NSMCE2: variants seen among roughly 807,000 people sequenced by gnomAD.
The protein encoded by NSMCE2 is E3 SUMO-protein ligase NSE2.
In NSMCE2, 24 loss-of-function variants were observed where a neutral mutation model predicts 23.8. The ratio of observed to expected loss-of-function variants is 1.01; its 90% CI spans 0.73 to 1.42. The LOEUF is 1.42. NSMCE2 is among the 40% of genes most tolerant of loss of function. The pLI, the probability that NSMCE2 is intolerant of heterozygous loss-of-function variation, is 0.00. For missense variants in NSMCE2, 284 were observed against 296.5 expected (o/e 0.96, Z 0.31); for synonymous variants, 92 against 94.1 (o/e 0.98, Z 0.13).
At chr8:125,204,038 A>G (rs79120248) in intron 5 of NSMCE2, among the ~76,000 whole-genome samples, 6,012 of 152,240 alleles carry the variant, frequency 0.039, 389 homozygotes, top group African/African-American at 0.14. Flanking sequence ...TTAATCTGTT[A>G]TATCCCTAGT....
intron 5 of NSMCE2, among the ~76,000 whole-genome samples, chr8:125,196,448 G>A (rs1823625364): frequency 6.6e-6 from 1 of 152,106 alleles, no homozygotes; most frequent in Non-Finnish European, 1.5e-5. Flanking sequence ...GTGAGAACAT[G>A]TGGATTTGGT....
At chr8:125,142,777 T>A (rs768641191) in intron 3 of NSMCE2, among the ~76,000 whole-genome samples, 2 of 143,928 alleles carry the variant, frequency 1.4e-5, no homozygotes, top group African/African-American at 5.5e-5. Flanking sequence ...GCTAATTTTG[T>A]ATTTTTAGTA....
chr8:125,149,535 A>G (rs190588279), intron 3 of NSMCE2, among the ~76,000 whole-genome samples: 55 of 152,236 alleles, frequency 3.6e-4, no homozygotes, highest in African/African-American at 1.1e-3. Flanking sequence ...CTTAAATTCA[A>G]AGTTTTTAGT....
At chr8:125,286,808 T>C (rs1470277918) in intron 5 of NSMCE2, among the ~76,000 whole-genome samples, 1 of 141,238 alleles carries the variant, frequency 7.1e-6, no homozygotes, top group African/African-American at 2.6e-5. Flanking sequence ...CCAAAGCCAA[T>C]AGTTAATTTC....
At chr8:125,245,569 C>T (rs1586664418) in intron 5 of NSMCE2, among the ~76,000 whole-genome samples, 1 of 151,522 alleles carries the variant, frequency 6.6e-6, no homozygotes. Context: ...ATAGCATAAA[C>T]ATAAGTGAGT....
intron 3 of NSMCE2, among the ~76,000 whole-genome samples, chr8:125,148,155 A>G (rs1052104238): frequency 3.3e-5 from 5 of 152,148 alleles, no homozygotes; most frequent in Admixed American, 1.3e-4. Flanking sequence ...GTTCTTCAGC[A>G]GCTTGTCCCA....
chr8:125,275,703 G>A (rs777728405), intron 5 of NSMCE2, among the ~76,000 whole-genome samples: 2 of 152,160 alleles, frequency 1.3e-5, no homozygotes, highest in Admixed American at 1.3e-4. Flanking sequence ...GTCACCTAAT[G>A]TGTTTTCGAT....
chr8:125,350,789 G>A (rs1812999422), intron 5 of NSMCE2, among the ~76,000 whole-genome samples: 1 of 152,136 alleles, frequency 6.6e-6, no homozygotes, highest in African/African-American at 2.4e-5. Context: ...CAATATGTGG[G>A]AATTCAAGAT....
intron 5 of NSMCE2, among the ~76,000 whole-genome samples, chr8:125,225,717 C>A (rs1278203957): frequency 1.3e-5 from 2 of 152,172 alleles, no homozygotes; most frequent in African/African-American, 2.4e-5. Flanking sequence ...TTTCTCTTAA[C>A]ATGAGAGCAA....
At chr8:125,334,987 C>A (rs746603896) in intron 5 of NSMCE2, among the ~76,000 whole-genome samples, 4 of 151,882 alleles carry the variant, frequency 2.6e-5, no homozygotes, top group Non-Finnish European at 5.9e-5. Flanking sequence ...AACTCCTGGC[C>A]TCAAGCAGTC....
chr8:125,095,863 C>T (rs1239521237), intron 1 of NSMCE2, among the ~76,000 whole-genome samples: 2 of 76,422 alleles, frequency 2.6e-5, no homozygotes, highest in Non-Finnish European at 4.9e-5. Flanking sequence ...GCCTGAGGGA[C>T]AAGAGCAAAA....
At chr8:125,264,282 T>A (rs1220292920) in intron 5 of NSMCE2, among the ~76,000 whole-genome samples, 1 of 152,256 alleles carries the variant, frequency 6.6e-6, no homozygotes, top group Non-Finnish European at 1.5e-5. Flanking sequence ...TTCATTCATA[T>A]TCCTTTAAAA....
rs377506934 is a variant in NSMCE2, at chr8:125,335,433, G to A, written c.419-21786G>A. ...TAGGTAACTTGCTCAAAAACACAGA[G>A]GGACTGAGGCAGGCAGTATTTAAGC... is the stretch of plus-strand genomic sequence containing the variant. On this transcript the variant is annotated intron_variant, in intron 5 of 7. Transcript: ENST00000287437. Among the ~76,000 whole-genome samples, 669 of 152,290 alleles carry A rather than the reference G, an allele frequency of 4.4e-3. 7 individuals are homozygous for A. Among genetic ancestry groups the A allele is most frequent in the African/African-American group, 0.016 (645 of 41,536 alleles).
intron 5 of NSMCE2, among the ~76,000 whole-genome samples, chr8:125,195,804 G>T (rs1234485152): frequency 6.7e-6 from 1 of 149,698 alleles, no homozygotes; most frequent in African/African-American, 2.5e-5. Flanking sequence ...TTATGCTCAA[G>T]TACTGTCTTT....
At chr8:125,196,378 G>C (rs1007234001) in intron 5 of NSMCE2, among the ~76,000 whole-genome samples, 1 of 151,788 alleles carries the variant, frequency 6.6e-6, no homozygotes. Flanking sequence ...GACAAGCCGT[G>C]GTGTGTGATG....
intron 5 of NSMCE2, among the ~76,000 whole-genome samples, chr8:125,189,041 T>C (rs1823232164): frequency 6.6e-6 from 1 of 152,258 alleles, no homozygotes; most frequent in Non-Finnish European, 1.5e-5. Flanking sequence ...GGGCAAAGTA[T>C]GGACCAACTT....
chr8:125,282,230 C>T (rs1305850062), intron 5 of NSMCE2, among the ~76,000 whole-genome samples: 3 of 152,020 alleles, frequency 2.0e-5, no homozygotes, highest in Non-Finnish European at 4.4e-5. Context: ...TCTCCTGCCT[C>T]AACCTCCCAA....
chr8:125,232,982 A>T (rs576051654), intron 5 of NSMCE2, among the ~76,000 whole-genome samples: 1 of 152,372 alleles, frequency 6.6e-6, no homozygotes, highest in African/African-American at 2.4e-5. Flanking sequence ...GAATGGTCAC[A>T]TTCCAGGGTT....
chr8:125,336,014 A>T (rs907523132), intron 5 of NSMCE2, among the ~76,000 whole-genome samples: 2 of 152,204 alleles, frequency 1.3e-5, no homozygotes, highest in Non-Finnish European at 2.9e-5. Flanking sequence ...ATCACAAGCT[A>T]GGAGAGGACA....
Sources: gnomAD v4.1 joint callset for allele counts (sites outside exome capture counted in the v4.1 genomes callset) on GRCh38, gnomAD v4.1.1 for gene constraint, MANE v1.5 for transcripts, NCBI Gene and HGNC (gene_info 2026-07-23, HGNC 2026-07-21) for gene names.